FAM53A: variants seen among roughly 807,000 people sequenced by gnomAD.
FAM53A encodes protein FAM53A.
A neutral mutation model predicts 26.6 loss-of-function variants in FAM53A; 28 were observed. The observed-to-expected ratio is 1.05, with a 90% CI of 0.78 to 1.45. FAM53A has a LOEUF of 1.45. Among genes scored for constraint, FAM53A ranks in the 40% most tolerant of loss-of-function variants. FAM53A has a pLI of 0.00. For missense variants in FAM53A, 650 were observed against 575.8 expected (o/e 1.13, Z -1.32); for synonymous variants, 290 against 253.1 (o/e 1.15, Z -1.38).
chr4:1,671,027 G>A (rs1471291376), intron 1 of FAM53A, among the ~76,000 whole-genome samples: 18 of 121,978 alleles, frequency 1.5e-4, no homozygotes, highest in African/African-American at 2.3e-4. Context: ...TCACAGCCAC[G>A]GCCCGGACTC....
the FAM53A span, among the ~76,000 whole-genome samples, chr4:1,599,775 G>C: frequency 6.6e-6 from 1 of 152,024 alleles, no homozygotes; most frequent in East Asian, 1.9e-4. The surrounding 1 kb of genome is among the most constrained non-coding windows in gnomAD (Gnocchi z 6.1). Context: ...CCAGCCACAC[G>C]CATACTCACC....
At chr4:1,586,740 G>A in the FAM53A span, among the ~76,000 whole-genome samples, 5 of 139,312 alleles carry the variant, frequency 3.6e-5, no homozygotes, top group Admixed American at 8.1e-5. Context: ...CCAAGATCGC[G>A]CCACTGCACT....
At chr4:1,621,987 G>C (rs546777461) in intron 1 of FAM53A, among the ~76,000 whole-genome samples, 2 of 152,292 alleles carry the variant, frequency 1.3e-5, no homozygotes, top group East Asian at 3.9e-4. Context: ...GCTGTCTTGG[G>C]AACGGGGCAC....
At chr4:1,599,033 C>A in the FAM53A span, among the ~76,000 whole-genome samples, 2 of 152,264 alleles carry the variant, frequency 1.3e-5, no homozygotes, top group African/African-American at 4.8e-5. This position sits in a 1 kb window ranked among gnomAD's most constrained non-coding sequence, Gnocchi z 6.1. Context: ...CCCCGGCCCG[C>A]TTCCCTCCTG....
intron 2 of FAM53A, among the ~76,000 whole-genome samples, chr4:1,667,041 T>C (rs1405385873): frequency 2.6e-5 from 4 of 152,050 alleles, no homozygotes; most frequent in Admixed American, 2.0e-4. Context: ...GGCGGGAGAA[T>C]TGCTTGAACC....
At chr4:1,643,806 A>G (rs924312141) in intron 4 of FAM53A, among the ~76,000 whole-genome samples, 1 of 152,052 alleles carries the variant, frequency 6.6e-6, no homozygotes, top group Non-Finnish European at 1.5e-5. Flanking sequence ...GGCTCAAACA[A>G]TCCTCCCGCC....
At chr4:1,607,715 C>T in the FAM53A span, among the ~76,000 whole-genome samples, 9 of 152,058 alleles carry the variant, frequency 5.9e-5, no homozygotes, top group East Asian at 7.7e-4. Context: ...CCGAGGTGGG[C>T]GGATCACCTG....
chr4:1,611,316 C>G, the FAM53A span, among the ~76,000 whole-genome samples: 1 of 152,122 alleles, frequency 6.6e-6, no homozygotes, highest in Non-Finnish European at 1.5e-5. Context: ...TGGAGGGGGG[C>G]CCCCGCCACC....
At position 1,662,479 on chromosome 4, in the gene FAM53A, CAAAAAAAAAAAAAA is replaced by C. The variant is rs59768929; in HGVS notation, c.76-5025_76-5012del. Among the ~76,000 whole-genome samples the C allele has an allele frequency of 2.8e-3, 191 of 68,314 alleles. 1 individual carries two copies. The highest frequency in any genetic ancestry group is 7.1e-3 in the African/African-American group (157 of 22,164). 44.8% of individuals were successfully genotyped at this position (68,314 alleles called of 152,430 possible). On this transcript the variant is annotated intron_variant, in intron 2 of 4. Transcript: ENST00000308132. ...TAGCAACAAGGGCAAGATTCCATCA[CAAAAAAAAAAAAAA>C]AAAAAAAAAAGCTGGGTGTGGTCAC...
rs188432352 is a variant in FAM53A at position 1,670,220 on chromosome 4, T to A, written c.-164-1315A>T. Among the ~76,000 whole-genome samples, 433 of 152,188 alleles carry A rather than the reference T, an allele frequency of 2.8e-3. 2 individuals are homozygous for A. The highest frequency in any genetic ancestry group is 0.01 in the African/African-American group (421 of 41,514). On this transcript the variant is annotated intron_variant, in intron 1 of 4. Coordinates refer to ENST00000308132, the MANE Select transcript of FAM53A (RefSeq NM_001174070.3). ...CACACTTCTGCCAATGCTGGAAAGG[T>A]TTCAACACGGTTCGATACCTGCGTT...
chr4:1,657,818 T>C (rs1713513070), intron 2 of FAM53A, among the ~76,000 whole-genome samples: 1 of 150,524 alleles, frequency 6.6e-6, no homozygotes, highest in African/African-American at 2.4e-5. Context: ...TTTTTGTATT[T>C]TTAGTAGAGA....
chr4:1,593,480 C>T, the FAM53A span, among the ~76,000 whole-genome samples: 7 of 152,122 alleles, frequency 4.6e-5, no homozygotes, highest in Non-Finnish European at 8.8e-5. Flanking sequence ...GAAAAGAGCC[C>T]AAACAAAGAA....
chr4:1,584,936 T>C, the FAM53A span, among the ~76,000 whole-genome samples: 24 of 152,258 alleles, frequency 1.6e-4, no homozygotes, highest in African/African-American at 5.8e-4. Context: ...GTGGGAGGAA[T>C]GTCATGGTAT....
downstream of FAM53A, among the ~76,000 whole-genome samples, chr4:1,637,756 C>G (rs185846854): frequency 1.6e-4 from 24 of 152,248 alleles, no homozygotes; most frequent in East Asian, 4.6e-3. Context: ...AGGCCCCCAG[C>G]GCAGGAAGGG....
chr4:1,588,347 G>A, the FAM53A span, among the ~76,000 whole-genome samples: 1 of 152,340 alleles, frequency 6.6e-6, no homozygotes, highest in African/African-American at 2.4e-5. Flanking sequence ...TTCAAGAGGT[G>A]GAGCTTAATT....
intron 1 of FAM53A, among the ~76,000 whole-genome samples, chr4:1,623,332 AC>A (rs1194832125): frequency 5.5e-5 from 4 of 72,868 alleles, no homozygotes; most frequent in Non-Finnish European, 1.4e-4. Flanking sequence ...TCCTGCTGCC[AC>A]CCCCACCCCC....
chr4:1,576,788 G>A, the FAM53A span, among the ~76,000 whole-genome samples: 1 of 152,230 alleles, frequency 6.6e-6, no homozygotes, highest in African/African-American at 2.4e-5. Context: ...GACAGCCCCA[G>A]GAGAGGAGAG....
At chr4:1,681,558 G>A (rs1577164435) in intron 1 of FAM53A, among the ~76,000 whole-genome samples, 1 of 141,632 alleles carries the variant, frequency 7.1e-6, no homozygotes, top group South Asian at 2.2e-4. Context: ...GCCTCTCTCT[G>A]TTGCCTAGGC....
At chr4:1,663,308 C>T (rs1713991056) in intron 2 of FAM53A, among the ~76,000 whole-genome samples, 2 of 152,174 alleles carry the variant, frequency 1.3e-5, no homozygotes, top group Admixed American at 6.5e-5. Context: ...ATAGAATCAC[C>T]ATATGACCTG....
Sources: gnomAD v4.1 joint callset for allele counts (sites outside exome capture counted in the v4.1 genomes callset) on GRCh38, gnomAD v4.1.1 for gene constraint, Gnocchi (gnomAD v3.1) non-coding constraint, MANE v1.5 for transcripts, NCBI Gene and HGNC (gene_info 2026-07-23, HGNC 2026-07-21) for gene names.